ACTA2: variants seen among roughly 807,000 people sequenced by gnomAD.
ACTA2 encodes the protein actin alpha 2, smooth muscle.
ACTA2 carries 12 observed loss-of-function variants against 39.5 expected under a neutral mutation model. The observed-to-expected ratio is 0.30, with a 90% CI of 0.19 to 0.49. The LOEUF is 0.49. Among genes scored for constraint, ACTA2 ranks in the 20% least tolerant of loss-of-function variants. The probability of loss-of-function intolerance (pLI) is 0.99; values close to 1 mark genes in which losing one functional copy is unlikely to be tolerated. For missense variants in ACTA2, 236 were observed against 498.8 expected (o/e 0.47, Z 5.02); for synonymous variants, 158 against 180.6 (o/e 0.88, Z 1.00).
chr10:88,965,477 T>A (rs1341585687), intron 1 of ACTA2, among the ~76,000 whole-genome samples: 1 of 152,178 alleles, frequency 6.6e-6, no homozygotes, highest in South Asian at 2.1e-4. Flanking sequence ...TTAGCACATT[T>A]CAGGATTATT....
At chr10:88,957,512 C>T (rs930230779), upstream of ACTA2, among the ~76,000 whole-genome samples, 7 of 152,258 alleles carry the variant, frequency 4.6e-5, no homozygotes, top group South Asian at 6.2e-4. Flanking sequence ...TCCTGCCTCT[C>T]CTGCCTTATC....
intron 1 of ACTA2, among the ~76,000 whole-genome samples, chr10:88,952,081 G>A (rs2133281507): frequency 6.6e-6 from 1 of 152,268 alleles, no homozygotes; most frequent in African/African-American, 2.4e-5. Context: ...AAATTCAGCA[G>A]GTCACCTGCT....
chr10:88,967,765 C>T (rs1289212704), intron 1 of ACTA2, among the ~76,000 whole-genome samples: 1 of 152,178 alleles, frequency 6.6e-6, no homozygotes, highest in Non-Finnish European at 1.5e-5. Flanking sequence ...ATTACATCAG[C>T]AGGTTCAGAA....
chr10:88,936,904 G>A (rs911972725), intron 8 of ACTA2, among the ~76,000 whole-genome samples: 8 of 151,804 alleles, frequency 5.3e-5, no homozygotes, highest in Admixed American at 2.0e-4. Flanking sequence ...TCATTACATC[G>A]GGGCCCAGAG....
At chr10:88,936,867 A>G (rs921807775) in intron 8 of ACTA2, among the ~76,000 whole-genome samples, 4 of 152,132 alleles carry the variant, frequency 2.6e-5, no homozygotes, top group African/African-American at 9.7e-5. Flanking sequence ...TTATTGTCCT[A>G]GGTTTTTCTT....
At chr10:88,986,663 A>G (rs557982780) in intron 1 of ACTA2, among the ~76,000 whole-genome samples, 1 of 150,376 alleles carries the variant, frequency 6.6e-6, no homozygotes, top group African/African-American at 2.5e-5. Context: ...AGGAAGTAAT[A>G]CAGGAAGGAA....
intron 1 of ACTA2, among the ~76,000 whole-genome samples, chr10:88,963,367 C>T (rs1429127221): frequency 6.6e-6 from 1 of 151,888 alleles, no homozygotes; most frequent in Non-Finnish European, 1.5e-5. Context: ...AAGTATAGTA[C>T]TTATTACATA....
chr10:88,988,703 A>G (rs1316026479), intron 1 of ACTA2, among the ~76,000 whole-genome samples: 1 of 152,202 alleles, frequency 6.6e-6, no homozygotes, highest in Admixed American at 6.5e-5. Context: ...AGAGATGCCC[A>G]AACTGTTTTC....
At chr10:88,939,452 G>T in intron 7 of ACTA2, 55 bp downstream of exon 7, 1 of 1,606,144 alleles carries the variant, frequency 6.2e-7, no homozygotes, top group East Asian at 2.2e-5. Flanking sequence ...AGGCTGGCTT[G>T]ATATGGAAGA....
intron 1 of ACTA2, among the ~76,000 whole-genome samples, chr10:88,988,167 A>C (rs1381484955): frequency 6.6e-6 from 1 of 152,176 alleles, no homozygotes; most frequent in African/African-American, 2.4e-5. Flanking sequence ...GACTAAAAGA[A>C]CCACTCACAT....
At chr10:88,956,444 G>A (rs1190142630), upstream of ACTA2, among the ~76,000 whole-genome samples, 4 of 152,096 alleles carry the variant, frequency 2.6e-5, no homozygotes, top group Non-Finnish European at 2.9e-5. Flanking sequence ...AAGGACCTTC[G>A]TGAATATATT....
chr10:88,976,204 TA>T (rs944323068), intron 1 of ACTA2, among the ~76,000 whole-genome samples: 25 of 149,440 alleles, frequency 1.7e-4, no homozygotes, highest in African/African-American at 4.4e-4. Flanking sequence ...GCTGATGAGC[TA>T]AAAAAAAAAT....
chr10:88,975,122 G>T (rs967309971), intron 1 of ACTA2: 1 of 150,680 alleles, frequency 6.6e-6, no homozygotes, highest in African/African-American at 2.4e-5. Flanking sequence ...ACCCACTGAA[G>T]TGAAAGTGAA....
chr10:88,953,657 C>T (rs1160948829), upstream of ACTA2, among the ~76,000 whole-genome samples: 7 of 152,144 alleles, frequency 4.6e-5, no homozygotes, highest in Admixed American at 3.9e-4. Flanking sequence ...ACCCAAATCT[C>T]GTCTCGAATT....
intron 6 of ACTA2, 39 bp downstream of exon 6, chr10:88,941,190 C>T (rs1314349894): frequency 6.2e-7 from 1 of 1,612,314 alleles, no homozygotes; most frequent in Admixed American, 1.7e-5. Flanking sequence ...CTGAGCAACA[C>T]ACTGCTCCCC....
chr10:88,952,588 A>T (rs1846069885), intron 1 of ACTA2, 143 bp downstream of exon 1: 1 of 152,248 alleles, frequency 6.6e-6, no homozygotes, highest in Non-Finnish European at 1.5e-5. Flanking sequence ...CAAAAGCTAC[A>T]ATCATTTTAG....
chr10:88,965,939 G>A (rs1189705935), intron 1 of ACTA2, among the ~76,000 whole-genome samples: 1 of 152,188 alleles, frequency 6.6e-6, no homozygotes, highest in Non-Finnish European at 1.5e-5. Flanking sequence ...CCTTGAAAAT[G>A]GTGAGTTAGA....
chr10:88,952,611 C>G (rs1047688345), intron 1 of ACTA2, 120 bp downstream of exon 1: 1 of 152,226 alleles, frequency 6.6e-6, no homozygotes, highest in Non-Finnish European at 1.5e-5. Context: ...GTACAATCTT[C>G]ATTCAGAAAT....
rs759657660 is a variant in ACTA2, at chr10:88,943,771, G to A, written c.369+26C>T. 1.3e-5 allele frequency: 21 copies of A among 1,566,076 alleles called. No homozygotes were observed. In the South Asian group the frequency reaches 2.1e-4, roughly 16 times the overall value. On this transcript the variant is annotated intron_variant, in intron 4 of 8. Transcript: ENST00000224784. ...CAGAAGTTTCCCCAGACCCCACAGT[G>A]TTGTGTGCTGGGGTAGCATACTTAC...
Sources: allele counts gnomAD v4.1 joint callset (sites outside exome capture counted in the v4.1 genomes callset), GRCh38; gene constraint gnomAD v4.1.1; transcripts MANE v1.5; gene names NCBI Gene and HGNC (gene_info 2026-07-23, HGNC 2026-07-21).